The following PLA2G4E variants were observed in gnomAD, a reference collection of about 807,000 sequenced individuals.
PLA2G4E encodes cytosolic phospholipase A2 epsilon.
Under a neutral mutation model 109.1 loss-of-function variants are expected in PLA2G4E, and 84 were observed. The ratio of observed to expected loss-of-function variants is 0.77; its 90% CI spans 0.65 to 0.92. The LOEUF is 0.92. Among genes scored for constraint, PLA2G4E ranks in the 40% least tolerant of loss-of-function variants. PLA2G4E has a pLI of 0.00. For missense variants in PLA2G4E, 1,057 were observed against 1,076.6 expected (o/e 0.98, Z 0.25); for synonymous variants, 469 against 436.1 (o/e 1.08, Z -0.94).
chr15:41,996,081 T>C (rs2068334358), intron 11 of PLA2G4E, among the ~76,000 whole-genome samples: 1 of 152,080 alleles, frequency 6.6e-6, no homozygotes, highest in African/African-American at 2.4e-5. Context: ...GTACAATGGC[T>C]CACACTTGTA....
chr15:42,004,460 G>A (rs1189513871), intron 5 of PLA2G4E, among the ~76,000 whole-genome samples: 1 of 152,138 alleles, frequency 6.6e-6, no homozygotes, highest in Non-Finnish European at 1.5e-5. Flanking sequence ...AACCCTGCAA[G>A]GTGGGCCTGA....
At chr15:42,019,138 C>T (rs1002054540) in intron 1 of PLA2G4E, among the ~76,000 whole-genome samples, 2 of 152,164 alleles carry the variant, frequency 1.3e-5, no homozygotes, top group Admixed American at 6.5e-5. Flanking sequence ...GTCTTCAGGG[C>T]GCATGCACTC....
chr15:42,016,711 C>T (rs145120017), intron 1 of PLA2G4E, among the ~76,000 whole-genome samples: 1,586 of 152,278 alleles, frequency 0.01, 17 homozygotes, highest in Non-Finnish European at 0.014. Flanking sequence ...CTTTTAAGGT[C>T]TCTTCTCCTC....
intron 12 of PLA2G4E, among the ~76,000 whole-genome samples, chr15:41,994,773 A>G (rs1356477006): frequency 1.3e-5 from 2 of 152,258 alleles, no homozygotes; most frequent in African/African-American, 2.4e-5. Flanking sequence ...ATTTATTAAA[A>G]CATTTTCTTC....
chr15:41,991,368 A>T (rs948402945), intron 13 of PLA2G4E, among the ~76,000 whole-genome samples: 1 of 152,204 alleles, frequency 6.6e-6, no homozygotes, highest in Admixed American at 6.5e-5. Context: ...GTTAACTAGC[A>T]CTTATTGATG....
intron 1 of PLA2G4E, among the ~76,000 whole-genome samples, chr15:42,025,720 G>A (rs963238478): frequency 2.6e-5 from 4 of 152,292 alleles, no homozygotes; most frequent in African/African-American, 7.2e-5. Flanking sequence ...TGATTTCCTT[G>A]AAATGCATGA....
exon 20 of PLA2G4E, chr15:41,983,799 G>A (rs762563790): frequency 8.7e-6 from 14 of 1,607,790 alleles, no homozygotes; most frequent in Admixed American, 6.8e-5. Context: ...TCTCCACTGC[G>A]AGCCGCAGAG....
chr15:41,983,504 C>T (rs945836422), exon 20 of PLA2G4E: 4 of 496,176 alleles, frequency 8.1e-6, no homozygotes, highest in African/African-American at 7.6e-5. Flanking sequence ...GGCTATGAGA[C>T]CACCTTCTCT....
At chr15:41,994,563 T>C (rs1391724390) in intron 12 of PLA2G4E, among the ~76,000 whole-genome samples, 1 of 152,152 alleles carries the variant, frequency 6.6e-6, no homozygotes, top group African/African-American at 2.4e-5. Context: ...AAGTCCTCCC[T>C]ATGTGGCCCA....
chr15:41,990,804 G>A (rs2068234924), intron 13 of PLA2G4E, among the ~76,000 whole-genome samples: 1 of 140,384 alleles, frequency 7.1e-6, no homozygotes, highest in African/African-American at 2.7e-5. Context: ...TGGTTGCTGA[G>A]GTCACTCTAA....
At chr15:41,989,579 T>G in intron 14 of PLA2G4E, 27 bp from the exon 15 acceptor site, 1 of 1,604,668 alleles carries the variant, frequency 6.2e-7, no homozygotes, top group Non-Finnish European at 8.5e-7. Context: ...AGGACGGGGG[T>G]CAGTCTCAGG....
At chr15:42,008,864 G>A (rs2068504216) in intron 2 of PLA2G4E, 1 of 149,860 alleles carries the variant, frequency 6.7e-6, no homozygotes, top group African/African-American at 2.5e-5. Context: ...CTGGCAGGAG[G>A]ATGGGAGTTC....
intron 2 of PLA2G4E, among the ~76,000 whole-genome samples, chr15:42,012,792 C>CTCAGGCCCTCCCTAGCCTT (rs1026113149): frequency 2.0e-5 from 3 of 152,248 alleles, no homozygotes; most frequent in Non-Finnish European, 2.9e-5. Flanking sequence ...CTCTGCCCCT[C>CTCAGGCCCTCCCTAGCCTT]TCAGGCCCTC....
chr15:42,024,434 G>T (rs1050223514), intron 1 of PLA2G4E, among the ~76,000 whole-genome samples: 1 of 152,212 alleles, frequency 6.6e-6, no homozygotes, highest in African/African-American at 2.4e-5. Context: ...TGCTGTGTGC[G>T]CTGAGGCCTC....
chr15:42,016,077 C>G (rs2068591415), intron 1 of PLA2G4E, among the ~76,000 whole-genome samples: 1 of 152,132 alleles, frequency 6.6e-6, no homozygotes, highest in African/African-American at 2.4e-5. Flanking sequence ...ACATGCGACC[C>G]TGAATGTTCT....
rs553015412 is a variant in PLA2G4E, at chr15:41,991,521, G to T, written c.1470+1216C>A. Among the ~76,000 whole-genome samples, 18 of 152,098 alleles carry T rather than the reference G, an allele frequency of 1.2e-4. No homozygotes were observed. In the East Asian group the frequency reaches 3.1e-3, roughly 26 times the overall value. On this transcript the variant is annotated intron_variant, in intron 13 of 19. Coordinates refer to ENST00000399518, the Ensembl canonical transcript of PLA2G4E. ...AAGTGGTGGGTTATCACAGGGGCAGGGTGGGTGGGATCCATCAGAAGTGGC... is the reference window on the plus strand; with the variant it reads ...AAGTGGTGGGTTATCACAGGGGCAGTGTGGGTGGGATCCATCAGAAGTGGC...
At chr15:41,984,475 G>A in exon 19 of PLA2G4E, 1 of 1,613,782 alleles carries the variant, frequency 6.2e-7, no homozygotes. Context: ...TTGATGAGTG[G>A]GAAGAAAGTC....
chr15:42,046,301 C>T (rs1354126967), intron 1 of PLA2G4E, among the ~76,000 whole-genome samples: 1 of 152,216 alleles, frequency 6.6e-6, no homozygotes, highest in Non-Finnish European at 1.5e-5. Flanking sequence ...TCTTTTGGAA[C>T]AAAATCAAAG....
intron 5 of PLA2G4E, 22 bp from the exon 6 acceptor site, chr15:42,002,718 C>T (rs759527872): frequency 6.4e-7 from 1 of 1,563,160 alleles, no homozygotes; most frequent in Non-Finnish European, 8.7e-7. Context: ...AAGGAGAACT[C>T]CTGGTCAATT....
Sources: allele counts gnomAD v4.1 joint callset (sites outside exome capture counted in the v4.1 genomes callset), GRCh38; gene constraint gnomAD v4.1.1; transcripts MANE v1.5; gene names NCBI Gene and HGNC (gene_info 2026-07-23, HGNC 2026-07-21).